Variants in VSIG4 observed in about 807,000 individuals in gnomAD.
VSIG4 encodes the protein V-set and immunoglobulin domain-containing protein 4.
Under a neutral mutation model 23.4 loss-of-function variants are expected in VSIG4, and 34 were observed. That is an observed-to-expected ratio of 1.45 (90% CI 1.10 to 1.93). The LOEUF is 1.93. Ranked by LOEUF, VSIG4 falls within the 30% of genes most tolerant of loss-of-function variation. The pLI is 0.00. For synonymous variants in VSIG4, 169 were observed against 120.3 expected (o/e 1.41, Z -2.65); for missense variants, 433 against 310.8 (o/e 1.39, Z -2.96).
Position 66,038,240 on chromosome X carries a change from C to T in VSIG4, c.55+1704G>A, listed in dbSNP as rs186635100. Among the ~76,000 whole-genome samples, 258 of 111,484 alleles carry T rather than the reference C, an allele frequency of 2.3e-3. 2 individuals carry two copies. The highest frequency in any genetic ancestry group is 8.1e-3 in the African/African-American group (247 of 30,677). On this transcript the variant is annotated intron_variant, in intron 1 of 7. Coordinates refer to ENST00000374737, the MANE Select transcript of VSIG4 (RefSeq NM_007268.3). ...GGGTTTTTAGCAGTGAAGCTGCAGT[C>T]CCACAGAGTTGTCCAGCTGAGAAAC...
chrX:66,022,872 A>C lies in VSIG4; in HGVS notation c.941-10T>G, dbSNP rs1469557825. On this transcript the variant is annotated splice_polypyrimidine_tract_variant and intron_variant, in intron 6 of 7. Coordinates refer to ENST00000374737, the MANE Select transcript of VSIG4 (RefSeq NM_007268.3). ...GCTTCGTAGACATGCTCTAGAAAAA[A>C]AGGAGGAATCATGTCAGAAGTTTTC... The C allele has an allele frequency of 8.3e-7, 1 of 1,209,841 alleles. No homozygotes were observed. The highest frequency in any genetic ancestry group is 1.1e-6 in the Non-Finnish European group (1 of 894,894).
At chrX:66,024,165 G>A (rs1471969944) in intron 6 of VSIG4, among the ~76,000 whole-genome samples, 1 of 112,211 alleles carries the variant, frequency 8.9e-6, no homozygotes, top group Non-Finnish European at 1.9e-5. Context: ...AGTGCACTGG[G>A]CATTGAGAGA....
intron 1 of VSIG4, among the ~76,000 whole-genome samples, chrX:66,034,650 T>A (rs919562604): frequency 8.2e-5 from 9 of 109,934 alleles, no homozygotes; most frequent in Admixed American, 3.9e-4. Context: ...GCATCCATTT[T>A]TGGTCTAGAG....
At chrX:66,023,797 G>A (rs1414756425) in intron 6 of VSIG4, among the ~76,000 whole-genome samples, 1 of 112,413 alleles carries the variant, frequency 8.9e-6, no homozygotes, top group Non-Finnish European at 1.9e-5. Flanking sequence ...AGAGAGCCTT[G>A]AATAGAATGC....
At chrX:66,038,058 T>A (rs1385284147) in intron 1 of VSIG4, among the ~76,000 whole-genome samples, 2 of 111,206 alleles carry the variant, frequency 1.8e-5, no homozygotes, top group Admixed American at 1.9e-4. Context: ...GCCTCCTGGA[T>A]GGAGGATTAA....
intron 3 of VSIG4, among the ~76,000 whole-genome samples, chrX:66,030,152 A>G (rs2085447828): frequency 9.0e-6 from 1 of 111,539 alleles, no homozygotes; most frequent in South Asian, 3.8e-4. Flanking sequence ...ATTGAGGTGG[A>G]AGAAATGGCC....
At chrX:66,037,301 A>G (rs1463711269) in intron 1 of VSIG4, among the ~76,000 whole-genome samples, 1 of 23,832 alleles carries the variant, frequency 4.2e-5, no homozygotes, top group Non-Finnish European at 5.8e-5. Context: ...TATATTATAT[A>G]ATAATATAAT....
At chrX:66,035,899 C>G (rs1232495686) in intron 1 of VSIG4, among the ~76,000 whole-genome samples, 1 of 112,369 alleles carries the variant, frequency 8.9e-6, no homozygotes, top group African/African-American at 3.2e-5. Context: ...GGTCTTCCTT[C>G]TGACCTTAGG....
chrX:66,029,808 C>G (rs1459113813), intron 3 of VSIG4, among the ~76,000 whole-genome samples: 1 of 110,481 alleles, frequency 9.1e-6, no homozygotes, highest in Non-Finnish European at 1.9e-5. Flanking sequence ...GTAAAAGGTA[C>G]GATCAGTTTT....
chrX:66,031,159 G>T (rs2085459470), intron 3 of VSIG4, among the ~76,000 whole-genome samples: 1 of 111,706 alleles, frequency 9.0e-6, no homozygotes. Context: ...AATAAGCATT[G>T]ACTGTGAGAA....
At chrX:66,023,885 C>T (rs373293748) in intron 6 of VSIG4, among the ~76,000 whole-genome samples, 14 of 112,256 alleles carry the variant, frequency 1.2e-4, no homozygotes, top group African/African-American at 3.6e-4. Flanking sequence ...ATGTGGTTAC[C>T]GCTTATGCCC....
At chrX:66,024,026 T>C (rs1188922907) in intron 6 of VSIG4, among the ~76,000 whole-genome samples, 1 of 112,327 alleles carries the variant, frequency 8.9e-6, no homozygotes, top group Non-Finnish European at 1.9e-5. Context: ...AATTGAAACC[T>C]GGGAGAAGGA....
intron 3 of VSIG4, among the ~76,000 whole-genome samples, chrX:66,031,057 G>A (rs1175904414): frequency 1.8e-5 from 2 of 110,873 alleles, no homozygotes; most frequent in Non-Finnish European, 3.8e-5. Context: ...CACAGAGCAG[G>A]GAAGAGTGGA....
intron 1 of VSIG4, among the ~76,000 whole-genome samples, chrX:66,037,934 C>G (rs2085637595): frequency 9.3e-6 from 1 of 107,868 alleles, no homozygotes; most frequent in Admixed American, 1.0e-4. Context: ...TTTATAAGAC[C>G]CATTCTAGGT....
chrX:66,036,867 A>C (rs1222669201), intron 1 of VSIG4, among the ~76,000 whole-genome samples: 1 of 41,166 alleles, frequency 2.4e-5, no homozygotes, highest in African/African-American at 1.2e-4. Context: ...ATAATAATAT[A>C]TTATATTATA....
At chrX:66,032,340 G>T in intron 3 of VSIG4, 128 bp downstream of exon 3, 3 of 875,459 alleles carry the variant, frequency 3.4e-6, no homozygotes, top group Admixed American at 3.6e-5. Context: ...TTTTCTTTGT[G>T]ATTGTACAAC....
intron 5 of VSIG4, among the ~76,000 whole-genome samples, chrX:66,025,785 C>T (rs2085383221): frequency 8.9e-6 from 1 of 112,083 alleles, no homozygotes; most frequent in Non-Finnish European, 1.9e-5. Flanking sequence ...TTTGAGAATG[C>T]TACATTGTTA....
rs927301008 is a variant in VSIG4 at position 66,021,897 on chromosome X, C to T, written c.*366G>A. On this transcript the variant is annotated 3_prime_UTR_variant, in exon 8 of 8. Coordinates refer to ENST00000374737, the MANE Select transcript of VSIG4 (RefSeq NM_007268.3). ...GAAATGATCCTGGATATAGCTGGTC[C>T]TCTGAGCTGGCAGAGCTGAGCCTCC... The T allele has an allele frequency of 2.6e-6, 1 of 386,338 alleles. No individual in the cohort carries two copies. Among genetic ancestry groups the T allele is most frequent in the Non-Finnish European group, 4.5e-6 (1 of 221,487 alleles). 31.8% of individuals were successfully genotyped at this position (386,338 alleles called of 1,213,427 possible).
intron 5 of VSIG4, among the ~76,000 whole-genome samples, chrX:66,025,352 A>G (rs1569239379): frequency 8.9e-6 from 1 of 112,178 alleles, no homozygotes; most frequent in African/African-American, 3.2e-5. Flanking sequence ...TGGTGGGCTG[A>G]TTGGCCTGGG....
Sources: allele counts gnomAD v4.1 joint callset (sites outside exome capture counted in the v4.1 genomes callset), GRCh38; gene constraint gnomAD v4.1.1; transcripts MANE v1.5; gene names NCBI Gene and HGNC (gene_info 2026-07-23, HGNC 2026-07-21).